The following CNTNAP3 variants were observed in gnomAD, a reference collection of about 807,000 sequenced individuals.
The protein encoded by CNTNAP3 is contactin-associated protein-like 3.
CNTNAP3 carries 36 observed loss-of-function variants against 92.1 expected under a neutral mutation model. The ratio of observed to expected loss-of-function variants is 0.39; its 90% CI spans 0.30 to 0.52. The LOEUF (loss-of-function observed/expected upper bound fraction) is 0.52. Ranked by LOEUF, CNTNAP3 falls within the 20% of genes least tolerant of loss-of-function variation. CNTNAP3 has a pLI of 0.76. For synonymous variants in CNTNAP3, 232 were observed against 422.3 expected (o/e 0.55, Z 5.53); for missense variants, 534 against 1,069.6 (o/e 0.50, Z 6.98).
At position 39,121,923 on chromosome 9, in the gene CNTNAP3, G is replaced by C. The variant is rs537261513; in HGVS notation, c.2081-3664C>G. On this transcript the variant is annotated intron_variant, in intron 13 of 23. Coordinates refer to ENST00000297668, the MANE Select transcript of CNTNAP3 (RefSeq NM_033655.5). ...TTTACTAGAGCCTAAACCACCTAGG[G>C]GAATGGAAATACCCAGCACCAGCCC... is the stretch of plus-strand genomic sequence containing the variant. 2.0e-5 allele frequency among the ~76,000 whole-genome samples: 3 copies of C among 152,178 alleles called. No individual in the cohort carries two copies. In the South Asian group the frequency reaches 6.2e-4, roughly 32 times the overall value.
intron 15 of CNTNAP3, among the ~76,000 whole-genome samples, chr9:39,106,890 G>C (rs1169082086): frequency 6.6e-6 from 1 of 152,078 alleles, no homozygotes; most frequent in Non-Finnish European, 1.5e-5. Context: ...GCCTGGCACA[G>C]GACATTTAAT....
Position 39,149,933 on chromosome 9 carries a change from C to T in CNTNAP3, c.1522G>A (p.Gly508Arg). The T allele has an allele frequency of 6.2e-7, 1 of 1,611,664 alleles. No individual in the cohort carries two copies. The highest frequency in any genetic ancestry group is 8.5e-7 in the Non-Finnish European group (1 of 1,179,724). ...SSGSGCKSPL[G>R]GFQGCLRLIT... ...AGCCTTAGGCAGCCCTGAAACCCTC[C>T]CAGGGGGCTTTTACATCCAGAGCCA... Residue 508 changes from glycine to arginine, a missense_variant, in exon 10 of 24, where the codon GGA (glycine) becomes AGA (arginine). Coordinates refer to ENST00000297668, the MANE Select transcript of CNTNAP3 (RefSeq NM_033655.5).
rs1337668505 is a variant in CNTNAP3, at chr9:39,116,103, G to T, written c.2237+2000C>A. On this transcript the variant is annotated intron_variant, in intron 14 of 23. Transcript: ENST00000297668. ...GGAGGCGCAGGTTGCAGTGAGCTGA[G>T]ATCGCACCACTGCATTCCAGCCTGG... Among the ~76,000 whole-genome samples the T allele has an allele frequency of 2.6e-5, 4 of 151,192 alleles. No individual in the cohort carries two copies. In the South Asian group the frequency reaches 8.3e-4, roughly 32 times the overall value.
intron 18 of CNTNAP3, among the ~76,000 whole-genome samples, chr9:39,099,106 C>G (rs1188091416): frequency 1.3e-5 from 2 of 151,972 alleles, no homozygotes; most frequent in African/African-American, 4.8e-5. Context: ...TCCCGAGTAG[C>G]TGGGATGCCC....
At chr9:39,097,865 T>C (rs938703104) in intron 18 of CNTNAP3, among the ~76,000 whole-genome samples, 2 of 150,318 alleles carry the variant, frequency 1.3e-5, no homozygotes. Context: ...CTAAAGACTT[T>C]CAATAGTTGT....
At chr9:39,142,431 G>A (rs1188672454) in intron 11 of CNTNAP3, among the ~76,000 whole-genome samples, 5 of 152,112 alleles carry the variant, frequency 3.3e-5, no homozygotes, top group East Asian at 1.9e-4. Flanking sequence ...CCAGCACTTT[G>A]GAAGTCCAAG....
At chr9:39,117,644 A>T (rs888887113) in intron 14 of CNTNAP3, among the ~76,000 whole-genome samples, 1 of 152,176 alleles carries the variant, frequency 6.6e-6, no homozygotes, top group African/African-American at 2.4e-5. Context: ...TCTACAAAAT[A>T]AACACAGTCC....
chr9:39,124,468 C>T (rs1276699721), intron 13 of CNTNAP3, among the ~76,000 whole-genome samples: 1 of 151,884 alleles, frequency 6.6e-6, no homozygotes, highest in Non-Finnish European at 1.5e-5. Context: ...TCTAAATATA[C>T]CAATTAAGAA....
At chr9:39,148,375 T>G (rs1251513910) in intron 10 of CNTNAP3, among the ~76,000 whole-genome samples, 3 of 152,352 alleles carry the variant, frequency 2.0e-5, no homozygotes, top group South Asian at 2.1e-4. Flanking sequence ...TAATTACGTT[T>G]TTTTAGTATG....
intron 13 of CNTNAP3, among the ~76,000 whole-genome samples, chr9:39,121,569 G>A (rs1280658432): frequency 1.3e-5 from 2 of 152,168 alleles, no homozygotes; most frequent in African/African-American, 4.8e-5. Flanking sequence ...CAGCATCACA[G>A]CTAATGGAGC....
rs1370178522 is a variant in CNTNAP3, at chr9:39,202,261, T to C, written c.391-8986A>G. On this transcript the variant is annotated intron_variant, in intron 3 of 23. Transcript: ENST00000297668. ...TTTAAACTCTTTACAGCAAATACCA[T>C]GTTTTTTGTTTTGTTTTGTTTTGTT... Among the ~76,000 whole-genome samples the C allele has an allele frequency of 6.4e-5, 3 of 46,880 alleles. 1 individual carries two copies. Among genetic ancestry groups the C allele is most frequent in the African/African-American group, 1.1e-4 (3 of 27,476 alleles). 30.8% of individuals were successfully genotyped at this position (46,880 alleles called of 152,430 possible).
chr9:39,093,031 G>C (rs1826244467), intron 18 of CNTNAP3, among the ~76,000 whole-genome samples: 1 of 142,512 alleles, frequency 7.0e-6, no homozygotes, highest in Admixed American at 6.9e-5. Flanking sequence ...AGTCCCTTTG[G>C]CTCTCTAGGG....
chr9:39,091,710 A>G (rs1826207099), intron 18 of CNTNAP3, among the ~76,000 whole-genome samples: 1 of 151,798 alleles, frequency 6.6e-6, no homozygotes, highest in Non-Finnish European at 1.5e-5. Context: ...GGAAATACTG[A>G]CCTTACAGAA....
intron 20 of CNTNAP3, 21 bp downstream of exon 20, chr9:39,086,695 C>G: frequency 6.2e-7 from 1 of 1,605,668 alleles, no homozygotes; most frequent in South Asian, 1.1e-5. Context: ...GTTAGTTTGA[C>G]TTTTGCATTT....
chr9:39,161,415 C>T (rs546347597), intron 9 of CNTNAP3, among the ~76,000 whole-genome samples: 8 of 15,996 alleles, frequency 5.0e-4, no homozygotes, highest in Non-Finnish European at 6.8e-4. Flanking sequence ...AGGGAAAGGA[C>T]TCCCTATTCA....
intron 19 of CNTNAP3, among the ~76,000 whole-genome samples, chr9:39,088,101 A>G (rs1434668822): frequency 1.3e-5 from 2 of 152,080 alleles, no homozygotes; most frequent in African/African-American, 2.4e-5. Context: ...ATGTATCTAG[A>G]TATCTTATTT....
intron 15 of CNTNAP3, among the ~76,000 whole-genome samples, chr9:39,104,242 AAG>A (rs1826541333): frequency 6.6e-6 from 1 of 152,102 alleles, no homozygotes; most frequent in African/African-American, 2.4e-5. Flanking sequence ...GAACTTACTG[AAG>A]AACTCGGTAA....
chr9:39,086,604 A>G, intron 20 of CNTNAP3, 112 bp downstream of exon 20: 2 of 1,324,340 alleles, frequency 1.5e-6, no homozygotes. Flanking sequence ...CTTATGGAAG[A>G]GCAGCACTGA....
At chr9:39,127,224 A>G (rs547718785) in intron 13 of CNTNAP3, among the ~76,000 whole-genome samples, 1 of 152,270 alleles carries the variant, frequency 6.6e-6, no homozygotes, top group Non-Finnish European at 1.5e-5. Context: ...ATGAAACTAC[A>G]TGAAAAACTA....
Sources: allele counts gnomAD v4.1 joint callset (sites outside exome capture counted in the v4.1 genomes callset), GRCh38; gene constraint gnomAD v4.1.1; transcripts MANE v1.5; gene names NCBI Gene and HGNC (gene_info 2026-07-23, HGNC 2026-07-21).